Variants in EYS observed in about 807,000 individuals in gnomAD.
EYS encodes the protein protein eyes shut homolog.
In EYS, 250 loss-of-function variants were observed where a neutral mutation model predicts 282.1. The ratio of observed to expected loss-of-function variants is 0.89; its 90% CI spans 0.80 to 0.98. The LOEUF is 0.98. EYS is among the 50% of genes least tolerant of loss of function. The pLI is 0.00. For missense variants in EYS, 4,016 were observed against 3,709.0 expected, an observed-to-expected ratio of 1.08 and a Z score of -2.15; for synonymous variants, 1,355 against 1,282.9, an observed-to-expected ratio of 1.06 and a Z score of -1.20.
At chr6:63,752,830 C>A (rs1372182772) in intron 41 of EYS, among the ~76,000 whole-genome samples, 1 of 152,124 alleles carries the variant, frequency 6.6e-6, no homozygotes, top group African/African-American at 2.4e-5. Flanking sequence ...TTGCTCAATA[C>A]ATTTTTATTA....
intron 15 of EYS, among the ~76,000 whole-genome samples, chr6:64,921,664 T>C (rs16896054): frequency 0.031 from 4,767 of 152,226 alleles, 134 homozygotes; most frequent in East Asian, 0.13. Context: ...AAATTCAAAG[T>C]AGAAGAGATT....
At chr6:64,198,463 C>T (rs1406704560) in intron 31 of EYS, among the ~76,000 whole-genome samples, 1 of 152,082 alleles carries the variant, frequency 6.6e-6, no homozygotes, top group Non-Finnish European at 1.5e-5. Context: ...TGTCCTAATG[C>T]TAGCCCTCCC....
chr6:64,784,934 C>T (rs1255280606), intron 22 of EYS, among the ~76,000 whole-genome samples: 1 of 152,036 alleles, frequency 6.6e-6, no homozygotes, highest in Non-Finnish European at 1.5e-5. Flanking sequence ...TGGGAGAACA[C>T]AAGATGTCTT....
intron 12 of EYS, among the ~76,000 whole-genome samples, chr6:65,129,960 A>G (rs1775824387): frequency 1.3e-5 from 2 of 151,936 alleles, no homozygotes; most frequent in Admixed American, 1.3e-4. Context: ...TATACATCAT[A>G]GAATCTTATA....
At chr6:64,489,294 T>G (rs1247184206) in intron 26 of EYS, among the ~76,000 whole-genome samples, 1 of 150,814 alleles carries the variant, frequency 6.6e-6, no homozygotes, top group African/African-American at 2.4e-5. Context: ...GGATTTTAAC[T>G]GTGGTTAAGG....
intron 29 of EYS, among the ~76,000 whole-genome samples, chr6:64,315,459 T>A (rs575838111): frequency 6.6e-6 from 1 of 151,500 alleles, no homozygotes; most frequent in Non-Finnish European, 1.5e-5. Context: ...CAGAGACACA[T>A]ACACAAAAAG....
chr6:64,912,711 T>C lies in EYS; in HGVS notation c.2414A>G (p.Asn805Ser), dbSNP rs1583287734. Residue 805 changes from asparagine to serine, a missense_variant, in exon 16 of 43, where the codon AAC becomes AGC. Coordinates refer to ENST00000503581, the MANE Select transcript of EYS (RefSeq NM_001142800.2). ...GCATTCATTTATTTCTTCACTACAGTTCTGTCCAGTCCATCCAGATGTACA... is the reference window on the plus strand; with the variant it reads ...GCATTCATTTATTTCTTCACTACAGCTCTGTCCAGTCCATCCAGATGTACA... Reference protein sequence around the residue: ...CECTSGWTGQNCSEEINECDS... With the variant: ...CECTSGWTGQSCSEEINECDS... 2 of 1,485,082 alleles carry C rather than the reference T, an allele frequency of 1.3e-6. No individual in the cohort carries two copies. Among genetic ancestry groups the C allele is most frequent in the East Asian group, 2.5e-5 (1 of 40,000 alleles). 92.0% of individuals were successfully genotyped at this position (1,485,082 alleles called of 1,614,324 possible).
At chr6:65,355,389 T>A (rs1259491331) in intron 8 of EYS, among the ~76,000 whole-genome samples, 1 of 109,672 alleles carries the variant, frequency 9.1e-6, no homozygotes, top group East Asian at 2.5e-4. Flanking sequence ...TTTCAGAATA[T>A]CCTCTTCTGG....
chr6:64,349,588 C>T (rs1561944851), intron 29 of EYS, among the ~76,000 whole-genome samples: 1 of 151,160 alleles, frequency 6.6e-6, no homozygotes, highest in Non-Finnish European at 1.5e-5. Context: ...CTATTTGATA[C>T]AAAGTGCATA....
intron 35 of EYS, among the ~76,000 whole-genome samples, chr6:63,939,576 C>T (rs9362281): frequency 0.3 from 45,572 of 151,750 alleles, 6,916 homozygotes; most frequent in Admixed American, 0.38. Flanking sequence ...ATAGCAGACC[C>T]TTGAGCAACA....
At chr6:64,823,562 A>G (rs1487653526) in intron 19 of EYS, among the ~76,000 whole-genome samples, 1 of 151,996 alleles carries the variant, frequency 6.6e-6, no homozygotes, top group African/African-American at 2.4e-5. Context: ...CATTACATCC[A>G]TTACTAGCAA....
In EYS at chr6:64,269,813, A is replaced by G. The variant is rs180795967; in HGVS notation, c.6191+37157T>C. On this transcript the variant is annotated intron_variant, in intron 30 of 42. Coordinates refer to ENST00000503581, the MANE Select transcript of EYS (RefSeq NM_001142800.2). ...ATATTTTTATATTTTTAATACTGCT[A>G]ACTCTTTAATACATTCAAAAGTATA... Among the ~76,000 whole-genome samples the G allele has an allele frequency of 1.5e-3, 225 of 152,128 alleles. 1 individual carries two copies. The highest frequency in any genetic ancestry group is 2.9e-3 in the Non-Finnish European group (199 of 67,942).
At chr6:65,241,033 T>C (rs2150275779) in intron 12 of EYS, among the ~76,000 whole-genome samples, 1 of 152,304 alleles carries the variant, frequency 6.6e-6, no homozygotes, top group Admixed American at 6.5e-5. Flanking sequence ...AATATTTTTC[T>C]AATTATTTCA....
intron 22 of EYS, among the ~76,000 whole-genome samples, chr6:64,702,744 C>T (rs532924774): frequency 6.6e-6 from 1 of 152,072 alleles, no homozygotes; most frequent in Non-Finnish European, 1.5e-5. Context: ...TTATGGAACA[C>T]TTAATGCTAT....
chr6:63,816,849 C>T (rs1329470465), intron 36 of EYS, among the ~76,000 whole-genome samples: 1 of 152,202 alleles, frequency 6.6e-6, no homozygotes, highest in Non-Finnish European at 1.5e-5. Context: ...TGAGTGCCAA[C>T]GTGCATCCTT....
At chr6:64,107,760 A>AAAGGAACTGCTGT (rs1256663313) in intron 31 of EYS, among the ~76,000 whole-genome samples, 18 of 152,074 alleles carry the variant, frequency 1.2e-4, no homozygotes, top group Admixed American at 3.9e-4. Context: ...GTATTGGGTA[A>AAAGGAACTGCTGT]AAGGAACTGC....
At chr6:65,059,232 A>C (rs1012915070) in intron 12 of EYS, among the ~76,000 whole-genome samples, 2 of 152,118 alleles carry the variant, frequency 1.3e-5, no homozygotes, top group African/African-American at 2.4e-5. Context: ...TAACCAGAAA[A>C]AAAGTTAAAC....
intron 36 of EYS, among the ~76,000 whole-genome samples, chr6:63,824,669 T>C (rs533282474): frequency 6.0e-4 from 91 of 152,032 alleles, no homozygotes; most frequent in Non-Finnish European, 1.1e-3. Context: ...CAGGAGAAGT[T>C]GCCGAGTTTA....
intron 29 of EYS, among the ~76,000 whole-genome samples, chr6:64,371,569 T>G (rs76953466): frequency 0.035 from 5,302 of 152,154 alleles, 216 homozygotes; most frequent in African/African-American, 0.096. Context: ...ATATCTTTGT[T>G]AATTTTCTGC....
Sources: gnomAD v4.1 joint callset for allele counts (sites outside exome capture counted in the v4.1 genomes callset) on GRCh38, gnomAD v4.1.1 for gene constraint, MANE v1.5 for transcripts, NCBI Gene and HGNC (gene_info 2026-07-23, HGNC 2026-07-21) for gene names.